The following MIA2 variants were observed in gnomAD, a reference collection of about 807,000 sequenced individuals.
The protein encoded by MIA2 is melanoma inhibitory activity protein 2.
Under a neutral mutation model 167.8 loss-of-function variants are expected in MIA2, and 127 were observed. The observed-to-expected ratio is 0.76, with a 90% CI of 0.66 to 0.88. The LOEUF (loss-of-function observed/expected upper bound fraction) is 0.88, where lower values mean the gene tolerates loss of function less well. Ranked by LOEUF, MIA2 falls within the 40% of genes least tolerant of loss-of-function variation. The probability of loss-of-function intolerance (pLI) is 0.00; values close to 1 mark genes in which losing one functional copy is unlikely to be tolerated. For synonymous variants in MIA2, 552 were observed against 541.9 expected (o/e 1.02, Z -0.26); for missense variants, 1,690 against 1,624.7 (o/e 1.04, Z -0.69).
intron 18 of MIA2, among the ~76,000 whole-genome samples, chr14:39,312,911 GT>G (rs2064599001): frequency 6.6e-6 from 1 of 152,042 alleles, no homozygotes; most frequent in Non-Finnish European, 1.5e-5. Context: ...GTGTGTGCGT[GT>G]GTGTTTACTT....
intron 23 of MIA2, among the ~76,000 whole-genome samples, chr14:39,359,766 A>G (rs922462827): frequency 2.6e-5 from 4 of 152,062 alleles, no homozygotes; most frequent in Non-Finnish European, 4.4e-5. Flanking sequence ...TGTCTTTGCT[A>G]TTGTCAGTAG....
rs760872745 is a variant in MIA2, at chr14:39,384,792, T to TCACA, written c.2249-2080_2249-2077dup. Among the ~76,000 whole-genome samples the TCACA allele has an allele frequency of 3.3e-3, 500 of 150,852 alleles. 3 individuals are homozygous for TCACA. Among genetic ancestry groups the TCACA allele is most frequent in the African/African-American group, 0.012 (476 of 41,092 alleles). ...CATACATACATGTGCACGCGCACAC[T>TCACA]CACACACACACACACATCTTATTTT... On this transcript the variant is annotated intron_variant, in intron 23 of 23. Coordinates refer to the MIA2 transcript ENST00000341502.
chr14:39,259,695 T>A (rs931819017), intron 6 of MIA2, among the ~76,000 whole-genome samples: 12 of 122,242 alleles, frequency 9.8e-5, no homozygotes, highest in African/African-American at 4.3e-4. Flanking sequence ...CATGCCTGGC[T>A]AGGTTTTTTT....
chr14:39,247,330 G>T lies in MIA2; in HGVS notation c.756G>T (p.Arg252=). The T allele has an allele frequency of 6.2e-7, 1 of 1,614,084 alleles. No homozygotes were observed. Among genetic ancestry groups the T allele is most frequent in the South Asian group, 1.1e-5 (1 of 91,052 alleles). Residue 252 remains arginine (R), a synonymous_variant, in exon 4 of 29, where the codon CGG becomes CGT. Transcript: ENST00000640607. ...VIEPVQESSF[R]SRKIAVEDEN... ...AACCTGTACAAGAAAGCTCATTTCG[G>T]AGTAGAAAAATAGCAGTGGAAGATG...
At chr14:39,303,635 A>G (rs2062863072) in intron 16 of MIA2, 111 bp downstream of exon 16, 3 of 652,626 alleles carry the variant, frequency 4.6e-6, no homozygotes, top group African/African-American at 3.9e-5. Context: ...ATATAAATAT[A>G]TTTACAAATT....
Position 39,246,919 on chromosome 14 carries a change from C to T in MIA2, c.345C>T (p.Asp115=). Residue 115 remains aspartate, a synonymous_variant, in exon 4 of 29, where the codon GAC becomes GAT. Transcript: ENST00000640607. ...EEIQMSTKES[D]FLCLLGVSYT... Reference sequence around the variant, plus strand: ...ATATTTTTTCCTTTTAGGAATCTGACTTTCTTTGTCTTCTTGGAGTAAGTT... The same window carrying T: ...ATATTTTTTCCTTTTAGGAATCTGATTTTCTTTGTCTTCTTGGAGTAAGTT... The T allele has an allele frequency of 6.6e-7, 1 of 1,504,502 alleles. No individual in the cohort carries two copies. The allele number at this position is 1,504,502 out of a possible 1,614,324, so 93.2% of individuals were successfully genotyped here. A position where few individuals can be genotyped will look rare whatever the true frequency, so the allele number is the denominator to read the frequency against.
intron 25 of MIA2, among the ~76,000 whole-genome samples, chr14:39,345,545 A>G (rs1387106261): frequency 1.3e-5 from 2 of 152,054 alleles, no homozygotes; most frequent in East Asian, 3.8e-4. Flanking sequence ...TCCTTATGTT[A>G]GTAGATGTTT....
chr14:39,329,384 T>C (rs8006412), intron 25 of MIA2, among the ~76,000 whole-genome samples: 141,458 of 152,206 alleles, frequency 0.93, 65,845 homozygotes, highest in African/African-American at 0.96. Flanking sequence ...TTTCTAAATA[T>C]ACAATCATGT....
At chr14:39,266,376 A>C (rs1472472070) in intron 6 of MIA2, 3 of 985,280 alleles carry the variant, frequency 3.0e-6, no homozygotes, top group Non-Finnish European at 3.6e-6. Flanking sequence ...TAAATTTAGA[A>C]GGCAAGGTGC....
At chr14:39,359,781 G>A (rs2074632419) in intron 23 of MIA2, among the ~76,000 whole-genome samples, 1 of 152,148 alleles carries the variant, frequency 6.6e-6, no homozygotes, top group Admixed American at 6.5e-5. Context: ...CAGTAGTGCT[G>A]TGATAAACAC....
chr14:39,355,629 C>A (rs1409487919), downstream of MIA2, among the ~76,000 whole-genome samples: 1 of 152,062 alleles, frequency 6.6e-6, no homozygotes, highest in African/African-American at 2.4e-5. Flanking sequence ...CTGTCTTGTG[C>A]CAGTTTTCAA....
chr14:39,263,879 C>T (rs549207003), intron 6 of MIA2, among the ~76,000 whole-genome samples: 1 of 152,250 alleles, frequency 6.6e-6, no homozygotes, highest in African/African-American at 2.4e-5. Context: ...AGTGATTCGC[C>T]CGCCTTGGCC....
chr14:39,306,061 C>A (rs920302896), intron 17 of MIA2, among the ~76,000 whole-genome samples: 1 of 151,276 alleles, frequency 6.6e-6, no homozygotes, highest in African/African-American at 2.4e-5. Flanking sequence ...AATTTCTTTA[C>A]GTGATTGTTC....
chr14:39,285,406 G>T (rs1175088071), intron 9 of MIA2, among the ~76,000 whole-genome samples: 1 of 148,558 alleles, frequency 6.7e-6, no homozygotes, highest in Non-Finnish European at 1.5e-5. Flanking sequence ...CCCGGAAGGG[G>T]CGGCTGGCCG....
chr14:39,317,379 C>G (rs1436976591), intron 21 of MIA2, among the ~76,000 whole-genome samples: 6 of 152,090 alleles, frequency 3.9e-5, no homozygotes, highest in African/African-American at 1.4e-4. Context: ...TCTGAAAAGT[C>G]ACATGGTAAC....
At chr14:39,284,364 A>G (rs747481239) in intron 9 of MIA2, among the ~76,000 whole-genome samples, 4 of 152,006 alleles carry the variant, frequency 2.6e-5, no homozygotes, top group Admixed American at 6.6e-5. Context: ...GACCATATTT[A>G]TTTGGATTTA....
intron 6 of MIA2, chr14:39,267,602 G>T: frequency 6.5e-7 from 1 of 1,542,362 alleles, no homozygotes; most frequent in South Asian, 1.1e-5. Flanking sequence ...GACCGGCTTT[G>T]GGGTCTAAGC....
At chr14:39,342,877 C>T (rs1475088654) in intron 25 of MIA2, among the ~76,000 whole-genome samples, 1 of 152,098 alleles carries the variant, frequency 6.6e-6, no homozygotes, top group East Asian at 1.9e-4. Context: ...TCTGTTTTAT[C>T]AGCTTTCCTT....
intron 25 of MIA2, among the ~76,000 whole-genome samples, chr14:39,327,397 TA>T (rs2067799625): frequency 2.0e-5 from 3 of 152,214 alleles, no homozygotes; most frequent in African/African-American, 7.2e-5. Context: ...TTTTTGGGTA[TA>T]CATTTATACA....
Sources: gnomAD v4.1 joint callset for allele counts (sites outside exome capture counted in the v4.1 genomes callset) on GRCh38, gnomAD v4.1.1 for gene constraint, MANE v1.5 for transcripts, NCBI Gene and HGNC (gene_info 2026-07-23, HGNC 2026-07-21) for gene names.